The following RNASE9 variants were observed in gnomAD, a reference collection of about 807,000 sequenced individuals.
RNASE9 encodes ribonuclease A family member 9 (inactive).
For missense variants in RNASE9, 263 were observed against 247.1 expected, an observed-to-expected ratio of 1.06 and a Z score of -0.43; for synonymous variants, 95 against 87.6, an observed-to-expected ratio of 1.08 and a Z score of -0.47.
chr14:20,558,323 G>A (rs1883796343), exon 3 of RNASE9: 2 of 623,046 alleles, frequency 3.2e-6, no homozygotes, highest in Non-Finnish European at 5.8e-6. Context: ...GTATATATGT[G>A]TGTAGAAAGG....
upstream of RNASE9, chr14:20,561,030 C>G (rs1319897668): frequency 6.6e-6 from 1 of 152,178 alleles, no homozygotes; most frequent in African/African-American, 2.4e-5. Flanking sequence ...AGGGGCCTCT[C>G]CATGTAATGA....
exon 3 of RNASE9, chr14:20,558,626 C>T (rs924682856): frequency 1.9e-6 from 3 of 1,542,364 alleles, no homozygotes; most frequent in Non-Finnish European, 2.6e-6. Flanking sequence ...CTCACAAGAA[C>T]GCGGAGCCTC....
chr14:20,558,150 T>A (rs1883787285), exon 3 of RNASE9: 1 of 301,442 alleles, frequency 3.3e-6, no homozygotes, highest in African/African-American at 2.6e-5. Flanking sequence ...ATTATTTAAT[T>A]GCAGAAGCAA....
chr14:20,557,041 G>C (rs1025572278), exon 3 of RNASE9: 1 of 1,612,058 alleles, frequency 6.2e-7, no homozygotes, highest in Non-Finnish European at 8.5e-7. Flanking sequence ...CAGGGGCAGT[G>C]GGTGTGTGGT....
chr14:20,559,763 T>C (rs1177633523), intron 1 of RNASE9, 130 bp from the exon 2 acceptor site: 2 of 152,188 alleles, frequency 1.3e-5, no homozygotes, highest in Non-Finnish European at 2.9e-5. Context: ...CCTAAAACAG[T>C]AGGGAAAACG....
At chr14:20,559,211 A>G (rs963711423) in intron 2 of RNASE9, among the ~76,000 whole-genome samples, 3 of 152,036 alleles carry the variant, frequency 2.0e-5, no homozygotes, top group African/African-American at 7.3e-5. Flanking sequence ...CGGCCTATCA[A>G]GTAGCTGGGC....
intron 2 of RNASE9, 99 bp downstream of exon 2, chr14:20,559,483 G>C (rs1270185114): frequency 1.4e-5 from 2 of 148,056 alleles, no homozygotes; most frequent in Non-Finnish European, 3.0e-5. Flanking sequence ...GGGAGGGAGG[G>C]AGGGAGAACA....
exon 3 of RNASE9, chr14:20,558,068 T>C: frequency 4.5e-6 from 1 of 222,174 alleles, no homozygotes; most frequent in Non-Finnish European, 9.1e-6. Context: ...ACTACTGAAA[T>C]GGCCAGTGCT....
chr14:20,556,830 T>C, exon 3 of RNASE9: 3 of 1,614,194 alleles, frequency 1.9e-6, no homozygotes, highest in Non-Finnish European at 2.5e-6. Flanking sequence ...TACAGTACTC[T>C]ATATGATTTA....
intron 1 of RNASE9, among the ~76,000 whole-genome samples, chr14:20,560,591 A>T (rs1406844343): frequency 1.3e-5 from 2 of 152,068 alleles, no homozygotes; most frequent in Non-Finnish European, 2.9e-5. Context: ...AATGAGTCTG[A>T]TGTGTTTATA....
In RNASE9 at chr14:20,557,084, C is replaced by G; in HGVS notation, c.-15G>C. 1.3e-6 allele frequency: 2 copies of G among 1,593,958 alleles called. No homozygotes were observed. The highest frequency in any genetic ancestry group is 1.1e-5 in the South Asian group (1 of 88,206). ...GTTCTCATCATTTTTCCTGCAGACA[C>G]TAAAAGAGATAACGGGATATGTTCT... On this transcript the variant is annotated 5_prime_UTR_variant, in exon 3 of 3. Coordinates refer to ENST00000555230, the Ensembl canonical transcript of RNASE9.
chr14:20,559,722 C>T (rs1883876670), intron 1 of RNASE9, 89 bp from the exon 2 acceptor site: 2 of 152,252 alleles, frequency 1.3e-5, no homozygotes, highest in South Asian at 4.1e-4. Flanking sequence ...TCTTAATATG[C>T]ATTAAAATGA....
rs565646838 is a variant in RNASE9, at chr14:20,556,458, C to T, written c.612G>A (p.Ser204=). The change falls in exon 3 of 3, where the codon TCG becomes TCA. Residue 204 remains serine, a synonymous_variant. Coordinates refer to ENST00000555230, the Ensembl canonical transcript of RNASE9. ...GCTCTCAGAGAACGCTCTGCTAGGGCGATATGACAAAGACACCATCCTCAC... is the reference window on the plus strand; with the variant it reads ...GCTCTCAGAGAACGCTCTGCTAGGGTGATATGACAAAGACACCATCCTCAC... The T allele has an allele frequency of 1.4e-5, 23 of 1,604,154 alleles. No individual in the cohort carries two copies. In the African/African-American group the frequency reaches 2.0e-4, roughly 14 times the overall value.
Position 20,559,370 on chromosome 14 carries a change from G to T in RNASE9, c.-1582+212C>A, listed in dbSNP as rs561091962. Among the ~76,000 whole-genome samples the T allele has an allele frequency of 2.0e-5, 3 of 152,136 alleles. No individual in the cohort carries two copies. The South Asian group carries it at 6.2e-4, about 32-fold the overall frequency. On this transcript the variant is annotated intron_variant, in intron 2 of 2. Transcript: ENST00000555230. The stretch of plus-strand genomic sequence containing the variant: ...GTAGATTATAGGGTGCCCGGGACAG[G>T]TGGTAGAAATGGGGATTAACAGTAA...
intron 2 of RNASE9, among the ~76,000 whole-genome samples, chr14:20,558,982 T>C (rs988017236): frequency 3.3e-5 from 5 of 152,220 alleles, no homozygotes; most frequent in Non-Finnish European, 5.9e-5. Context: ...CATAATCTCA[T>C]CATCAATTAT....
chr14:20,556,676 T>C (rs750875521), exon 3 of RNASE9: 2 of 1,613,662 alleles, frequency 1.2e-6, no homozygotes, highest in Middle Eastern at 1.6e-4. Flanking sequence ...CCTTTGCTCC[T>C]GTTACATTTC....
intron 1 of RNASE9, among the ~76,000 whole-genome samples, chr14:20,559,913 C>T (rs1397252826): frequency 6.6e-6 from 1 of 152,126 alleles, no homozygotes; most frequent in East Asian, 1.9e-4. Flanking sequence ...TGCTTTTAAA[C>T]TTGCTTGGAA....
chr14:20,560,739 G>C (rs1214103764), intron 1 of RNASE9, 135 bp downstream of exon 1: 5 of 151,814 alleles, frequency 3.3e-5, no homozygotes, highest in Non-Finnish European at 7.4e-5. Context: ...AATCAATAAA[G>C]TTTTAGATCA....
chr14:20,557,792 A>G (rs1285799565), exon 3 of RNASE9: 2 of 152,662 alleles, frequency 1.3e-5, no homozygotes, highest in Non-Finnish European at 2.9e-5. Context: ...CATCATCCAA[A>G]CAACCCTATA....
Sources: allele counts gnomAD v4.1 joint callset (sites outside exome capture counted in the v4.1 genomes callset), GRCh38; gene constraint gnomAD v4.1.1; transcripts MANE v1.5; gene names NCBI Gene and HGNC (gene_info 2026-07-23, HGNC 2026-07-21).